DLGAP2: variants seen among roughly 807,000 people sequenced by gnomAD.
DLGAP2 encodes the protein DLG associated protein 2, also known as disks large-associated protein 2.
In DLGAP2, 26 loss-of-function variants were observed where a neutral mutation model predicts 100.3. That is an observed-to-expected ratio of 0.26 (90% CI 0.19 to 0.36). DLGAP2 has a LOEUF of 0.36. Among genes scored for constraint, DLGAP2 ranks in the 10% least tolerant of loss-of-function variants. The pLI is 1.00. For missense variants in DLGAP2, 1,858 were observed against 1,453.2 expected (o/e 1.28, Z -4.53); for synonymous variants, 886 against 630.1 (o/e 1.41, Z -6.08).
intron 2 of DLGAP2, among the ~76,000 whole-genome samples, chr8:935,417 T>A (rs1799048689): frequency 6.6e-6 from 1 of 152,226 alleles, no homozygotes; most frequent in African/African-American, 2.4e-5. Flanking sequence ...TGAAAACACA[T>A]GTGAAGTAGC....
At chr8:1,315,453 A>T (rs79806640) in intron 3 of DLGAP2, among the ~76,000 whole-genome samples, 985 of 134,326 alleles carry the variant, frequency 7.3e-3, no homozygotes, top group Non-Finnish European at 0.012. Context: ...CGTCTCTCCA[A>T]CAGTGGTCTA....
intron 6 of DLGAP2, among the ~76,000 whole-genome samples, chr8:1,600,282 T>G (rs1480465112): frequency 6.6e-6 from 1 of 152,198 alleles, no homozygotes; most frequent in Non-Finnish European, 1.5e-5. Context: ...TAACCTGACC[T>G]TTCTCTCTGG....
At chr8:1,493,916 G>T (rs1270676010) in intron 3 of DLGAP2, among the ~76,000 whole-genome samples, 3 of 152,208 alleles carry the variant, frequency 2.0e-5, no homozygotes, top group Non-Finnish European at 4.4e-5. Context: ...TTCGAAAAAG[G>T]CCTGTACTAT....
At chr8:1,306,304 C>G (rs941388603) in intron 3 of DLGAP2, among the ~76,000 whole-genome samples, 16 of 151,664 alleles carry the variant, frequency 1.1e-4, no homozygotes, top group Admixed American at 3.3e-4. Context: ...TCAGAATGAA[C>G]AATTTAAAAA....
At chr8:1,410,531 T>C (rs1218312233) in intron 3 of DLGAP2, among the ~76,000 whole-genome samples, 4 of 152,254 alleles carry the variant, frequency 2.6e-5, no homozygotes, top group Non-Finnish European at 4.4e-5. Context: ...ATCTGCAGGC[T>C]ACTGCATTTC....
At chr8:1,558,812 CACAT>C (rs1802062098) in intron 5 of DLGAP2, among the ~76,000 whole-genome samples, 1 of 151,964 alleles carries the variant, frequency 6.6e-6, no homozygotes, top group South Asian at 2.1e-4. Flanking sequence ...CACATAAACA[CACAT>C]ACGCACATGG....
chr8:953,745 T>C (rs1025077781), intron 2 of DLGAP2, among the ~76,000 whole-genome samples: 6 of 151,944 alleles, frequency 3.9e-5, no homozygotes, highest in African/African-American at 1.5e-4. Flanking sequence ...AAGTGCCGAG[T>C]GGAGCTGACG....
At chr8:950,722 A>C (rs1799458213) in intron 2 of DLGAP2, among the ~76,000 whole-genome samples, 1 of 151,270 alleles carries the variant, frequency 6.6e-6, no homozygotes, top group African/African-American at 2.4e-5. Context: ...CTCGGGTTCA[A>C]GCATTTCTCC....
At chr8:1,439,030 G>A (rs1257494404) in intron 3 of DLGAP2, among the ~76,000 whole-genome samples, 1 of 152,176 alleles carries the variant, frequency 6.6e-6, no homozygotes, top group Non-Finnish European at 1.5e-5. Context: ...AGCTTATGAA[G>A]AAACAAAGCT....
rs1338091612 is a variant in DLGAP2 at position 1,267,232 on chromosome 8, A to AAAAT, written c.106+8365_106+8368dup. Among the ~76,000 whole-genome samples, 19 of 131,928 alleles carry AAAAT rather than the reference A, an allele frequency of 1.4e-4. 1 individual carries two copies. Among genetic ancestry groups the AAAAT allele is most frequent in the South Asian group, 2.6e-4 (1 of 3,892 alleles). 86.5% of individuals were successfully genotyped at this position (131,928 alleles called of 152,430 possible). A position where few individuals can be genotyped will look rare whatever the true frequency, so the allele number is the denominator to read the frequency against. On this transcript the variant is annotated intron_variant, in intron 3 of 14. Transcript: ENST00000637795. ...GGGCAACAGAGCGAGACTTCATCTC[A>AAAAT]AAATAAATAAATAAATAAAATAAAA...
chr8:1,505,571 A>AATTTTAT (rs1389071739), intron 4 of DLGAP2, among the ~76,000 whole-genome samples: 1 of 152,230 alleles, frequency 6.6e-6, no homozygotes, highest in Admixed American at 6.5e-5. Flanking sequence ...TATGAAAAGT[A>AATTTTAT]ATTTTATGAT....
chr8:1,220,618 A>G (rs1369437571), intron 2 of DLGAP2, among the ~76,000 whole-genome samples: 6 of 152,258 alleles, frequency 3.9e-5, no homozygotes, highest in African/African-American at 7.2e-5. Context: ...TATTAGGTCT[A>G]TTTGGTCAAG....
chr8:1,276,504 T>G (rs985032437), intron 3 of DLGAP2, among the ~76,000 whole-genome samples: 5 of 152,180 alleles, frequency 3.3e-5, no homozygotes, highest in African/African-American at 1.2e-4. Context: ...TTTGCTTGCA[T>G]GTGTATCTTC....
At chr8:845,654 T>A (rs1797058996) in intron 1 of DLGAP2, among the ~76,000 whole-genome samples, 1 of 152,252 alleles carries the variant, frequency 6.6e-6, no homozygotes, top group Non-Finnish European at 1.5e-5. Flanking sequence ...GAAGCATAGA[T>A]GTTTTAAATT....
At chr8:1,526,657 A>G (rs903227740) in intron 4 of DLGAP2, among the ~76,000 whole-genome samples, 1 of 152,174 alleles carries the variant, frequency 6.6e-6, no homozygotes, top group Non-Finnish European at 1.5e-5. Context: ...TCACTCTGCC[A>G]TCCTTATTGG....
chr8:1,073,638 G>T (rs1016877719), intron 2 of DLGAP2, among the ~76,000 whole-genome samples: 2 of 152,208 alleles, frequency 1.3e-5, no homozygotes, highest in Admixed American at 6.5e-5. Context: ...CATGTGGAAG[G>T]GGATGCAAAG....
intron 6 of DLGAP2, among the ~76,000 whole-genome samples, chr8:1,577,914 C>G (rs531462074): frequency 2.0e-5 from 3 of 152,194 alleles, no homozygotes; most frequent in South Asian, 4.1e-4. Flanking sequence ...GGCACCAGCG[C>G]GAGTGCTCAT....
At chr8:987,080 C>G (rs140869563) in intron 2 of DLGAP2, among the ~76,000 whole-genome samples, 1 of 152,188 alleles carries the variant, frequency 6.6e-6, no homozygotes, top group Admixed American at 6.5e-5. Context: ...TCTGCTTCAC[C>G]AAACTCCCGT....
chr8:854,377 G>T (rs1342396024), intron 1 of DLGAP2, among the ~76,000 whole-genome samples: 1 of 152,082 alleles, frequency 6.6e-6, no homozygotes, highest in African/African-American at 2.4e-5. Context: ...CTCTGTCTTG[G>T]TCCATTTGTG....
Sources: gnomAD v4.1 joint callset for allele counts (sites outside exome capture counted in the v4.1 genomes callset) on GRCh38, gnomAD v4.1.1 for gene constraint, MANE v1.5 for transcripts, NCBI Gene and HGNC (gene_info 2026-07-23, HGNC 2026-07-21) for gene names.